Variants in MIPOL1 observed in about 807,000 individuals in gnomAD.
MIPOL1 encodes mirror-image polydactyly 1, also known as mirror-image polydactyly gene 1 protein.
A neutral mutation model predicts 60.9 loss-of-function variants in MIPOL1; 57 were observed. That is an observed-to-expected ratio of 0.94 (90% confidence interval 0.76 to 1.17). MIPOL1 has a LOEUF of 1.17. Among genes scored for constraint, MIPOL1 ranks in the 50% most tolerant of loss-of-function variants. MIPOL1 has a pLI of 0.00. For synonymous variants in MIPOL1, 179 were observed against 168.8 expected, an observed-to-expected ratio of 1.06 and a Z score of -0.47; for missense variants, 551 against 511.6, an observed-to-expected ratio of 1.08 and a Z score of -0.74.
chr14:37,360,613 T>C (rs2092169419), intron 9 of MIPOL1, among the ~76,000 whole-genome samples: 1 of 152,214 alleles, frequency 6.6e-6, no homozygotes, highest in African/African-American at 2.4e-5. Flanking sequence ...GTAGAGGTTT[T>C]TATAGTATTC....
chr14:37,457,315 C>T (rs1221542769), intron 11 of MIPOL1, among the ~76,000 whole-genome samples: 1 of 152,172 alleles, frequency 6.6e-6, no homozygotes, highest in African/African-American at 2.4e-5. Flanking sequence ...TTGCTCTTTC[C>T]TTAGTGCCTT....
Position 37,369,524 on chromosome 14 carries a change from G to T in MIPOL1, c.836G>T (p.Arg279Leu). Reference sequence around the variant, plus strand: ...ATTCTTCCCCTGTGGCAGTGCAAACGGTTAGAGCAGGAGCTTCATCATGTG... The same window carrying T: ...ATTCTTCCCCTGTGGCAGTGCAAACTGTTAGAGCAGGAGCTTCATCATGTG... Reference protein sequence around the residue: ...ERDAALSKCKRLEQELHHVKE... With the variant: ...ERDAALSKCKLLEQELHHVKE... Residue 279 changes from arginine to leucine, a missense_variant, in exon 10 of 13, where the codon CGG (arginine) becomes CTG (leucine). Physicochemically the swap from Arg to Leu is moderately radical, Grantham distance 102. Transcript: ENST00000684589. 6.2e-7 allele frequency: 1 copy of T among 1,611,276 alleles called. No homozygotes were observed. Among genetic ancestry groups the T allele is most frequent in the South Asian group, 1.1e-5 (1 of 90,850 alleles).
intron 9 of MIPOL1, among the ~76,000 whole-genome samples, chr14:37,341,230 G>A (rs1048793751): frequency 6.6e-6 from 1 of 152,160 alleles, no homozygotes; most frequent in African/African-American, 2.4e-5. Flanking sequence ...TTGGAAAAAT[G>A]GCATCAATGG....
intron 6 of MIPOL1, among the ~76,000 whole-genome samples, chr14:37,280,960 C>G (rs1164659644): frequency 6.6e-6 from 1 of 152,178 alleles, no homozygotes; most frequent in Non-Finnish European, 1.5e-5. Flanking sequence ...TTCTCCTACA[C>G]TGTAGGTTGT....
intron 9 of MIPOL1, among the ~76,000 whole-genome samples, chr14:37,360,522 A>C (rs1017550675): frequency 3.3e-5 from 5 of 152,188 alleles, no homozygotes; most frequent in Non-Finnish European, 5.9e-5. Flanking sequence ...TCAGAGATTC[A>C]AGTTCTTCCT....
At chr14:37,486,797 C>T (rs1449069072) in intron 11 of MIPOL1, among the ~76,000 whole-genome samples, 1 of 152,126 alleles carries the variant, frequency 6.6e-6, no homozygotes, top group Non-Finnish European at 1.5e-5. Context: ...TTCCTCTCTT[C>T]TTATTGAATA....
At chr14:37,531,402 A>T (rs1270577476) in intron 12 of MIPOL1, among the ~76,000 whole-genome samples, 1 of 152,118 alleles carries the variant, frequency 6.6e-6, no homozygotes. Flanking sequence ...TATTACCTGC[A>T]CTGAACAACT....
At chr14:37,217,174 A>G (rs1244253593) in intron 1 of MIPOL1, among the ~76,000 whole-genome samples, 1 of 152,192 alleles carries the variant, frequency 6.6e-6, no homozygotes. Context: ...TGAGATACCT[A>G]CAACCTACAA....
intron 9 of MIPOL1, among the ~76,000 whole-genome samples, chr14:37,332,972 C>A (rs538314574): frequency 1.3e-5 from 2 of 152,202 alleles, no homozygotes; most frequent in East Asian, 3.9e-4. Flanking sequence ...GAGATACTTG[C>A]AATACTTTAG....
chr14:37,549,331 T>C lies in MIPOL1; in HGVS notation c.*2360T>C, dbSNP rs1269941287. The C allele has an allele frequency of 2.6e-5, 4 of 151,906 alleles. No individual in the cohort carries two copies. The highest frequency in any genetic ancestry group is 2.0e-4 in the Admixed American group (3 of 15,248). 9.4% of individuals were successfully genotyped at this position (151,906 alleles called of 1,614,324 possible). ...TACTAACATTTGTAGCACTTGATGA[T>C]TTACAAAGTCCTTTTACATCTGTTT... On this transcript the variant is annotated 3_prime_UTR_variant, in exon 13 of 13. Coordinates refer to ENST00000684589, the MANE Select transcript of MIPOL1 (RefSeq NM_001388067.1).
chr14:37,428,361 C>T (rs921749506), intron 11 of MIPOL1, among the ~76,000 whole-genome samples: 4 of 152,192 alleles, frequency 2.6e-5, no homozygotes, highest in Non-Finnish European at 4.4e-5. Flanking sequence ...CTTTGGGAGG[C>T]TGGCGGATCA....
chr14:37,289,603 G>A (rs1175772992), intron 7 of MIPOL1, among the ~76,000 whole-genome samples: 1 of 152,186 alleles, frequency 6.6e-6, no homozygotes, highest in East Asian at 1.9e-4. Context: ...GGGAAGAGGT[G>A]CAGAGCTTCC....
intron 9 of MIPOL1, among the ~76,000 whole-genome samples, chr14:37,361,763 A>G (rs2092268417): frequency 6.6e-6 from 1 of 151,020 alleles, no homozygotes; most frequent in Admixed American, 6.6e-5. Context: ...ACCCACCCCC[A>G]TGCCCAGCTA....
Position 37,491,992 on chromosome 14 carries a change from A to C in MIPOL1, c.1032-7916A>C, listed in dbSNP as rs542111533. On this transcript the variant is annotated intron_variant, in intron 11 of 12. Transcript: ENST00000684589. ...CTGATTTCCTTAAAAATAAGTGAGC[A>C]AGTTAGTGATTTTCTTTTTTCAATT... Among the ~76,000 whole-genome samples the C allele has an allele frequency of 8.5e-5, 13 of 152,276 alleles. No homozygotes were observed. In the South Asian group the frequency reaches 2.1e-3, roughly 24 times the overall value.
chr14:37,292,872 A>G (rs1594945431), intron 7 of MIPOL1, among the ~76,000 whole-genome samples: 1 of 152,140 alleles, frequency 6.6e-6, no homozygotes, highest in Non-Finnish European at 1.5e-5. Flanking sequence ...ATATAACCCT[A>G]GGGCAATGGG....
chr14:37,391,787 G>A (rs1370239782), intron 10 of MIPOL1, among the ~76,000 whole-genome samples: 1 of 151,978 alleles, frequency 6.6e-6, no homozygotes, highest in African/African-American at 2.4e-5. Flanking sequence ...CCTAGAACTG[G>A]GTAATGGACT....
intron 11 of MIPOL1, among the ~76,000 whole-genome samples, chr14:37,483,086 A>G (rs1212973832): frequency 6.6e-6 from 1 of 151,450 alleles, no homozygotes; most frequent in Admixed American, 6.6e-5. Flanking sequence ...TACAAAAAAA[A>G]TCTGCACATG....
intron 11 of MIPOL1, among the ~76,000 whole-genome samples, chr14:37,463,841 T>C (rs992367758): frequency 3.3e-5 from 5 of 152,076 alleles, no homozygotes; most frequent in African/African-American, 4.8e-5. Context: ...AGAGAGGAGA[T>C]ATTTGCTGTA....
chr14:37,411,431 A>T (rs567538745), intron 10 of MIPOL1, among the ~76,000 whole-genome samples: 1 of 152,284 alleles, frequency 6.6e-6, no homozygotes, highest in Non-Finnish European at 1.5e-5. Flanking sequence ...CATTCTAGAC[A>T]GGACAAGCGT....
Sources: allele counts gnomAD v4.1 joint callset (sites outside exome capture counted in the v4.1 genomes callset), GRCh38; gene constraint gnomAD v4.1.1; transcripts MANE v1.5; gene names NCBI Gene and HGNC (gene_info 2026-07-23, HGNC 2026-07-21).